CCDC102B: variants seen among roughly 807,000 people sequenced by gnomAD.
CCDC102B encodes coiled-coil domain-containing protein 102B.
A neutral mutation model predicts 57.4 loss-of-function variants in CCDC102B; 75 were observed. That is an observed-to-expected ratio of 1.31 (90% CI 1.08 to 1.58). The LOEUF is 1.58. Ranked by LOEUF, CCDC102B falls within the 40% of genes most tolerant of loss-of-function variation. The pLI is 0.00. For missense variants in CCDC102B, 636 were observed against 582.6 expected (o/e 1.09, Z -0.94); for synonymous variants, 206 against 201.9 (o/e 1.02, Z -0.17).
intron 2 of CCDC102B, among the ~76,000 whole-genome samples, chr18:68,725,780 G>A (rs138363608): frequency 5.3e-5 from 8 of 152,302 alleles, no homozygotes; most frequent in African/African-American, 1.7e-4. Context: ...CTTCAGAGCA[G>A]TAACTGGATT....
At chr18:69,009,694 T>C (rs557529358) in intron 6 of CCDC102B, among the ~76,000 whole-genome samples, 48 of 152,008 alleles carry the variant, frequency 3.2e-4, no homozygotes, top group African/African-American at 1.2e-3. Flanking sequence ...TCATCATTAG[T>C]ATTACTAATG....
chr18:68,982,336 A>G (rs1268336524), intron 6 of CCDC102B, among the ~76,000 whole-genome samples: 1 of 151,886 alleles, frequency 6.6e-6, no homozygotes, highest in African/African-American at 2.4e-5. Context: ...ATTTTATACT[A>G]TTTTTTCATA....
intron 6 of CCDC102B, among the ~76,000 whole-genome samples, chr18:68,933,833 C>T (rs1007961363): frequency 2.0e-5 from 3 of 151,764 alleles, no homozygotes; most frequent in Non-Finnish European, 4.4e-5. Context: ...TGAAACATAA[C>T]TAAAGAACAT....
intron 6 of CCDC102B, among the ~76,000 whole-genome samples, chr18:68,921,624 G>T (rs967681874): frequency 6.6e-6 from 1 of 152,178 alleles, no homozygotes. Flanking sequence ...ACCTGCCATT[G>T]CTGGCTTTGA....
chr18:68,731,378 T>A (rs537998383), intron 2 of CCDC102B, among the ~76,000 whole-genome samples: 1 of 152,294 alleles, frequency 6.6e-6, no homozygotes, highest in African/African-American at 2.4e-5. Flanking sequence ...TTTGATCTGA[T>A]TCCATTAACC....
intron 2 of CCDC102B, among the ~76,000 whole-genome samples, chr18:68,751,369 A>G (rs1004441267): frequency 2.0e-5 from 3 of 152,216 alleles, no homozygotes; most frequent in African/African-American, 7.2e-5. Context: ...GCCTGAATGA[A>G]GCTTATTTAA....
At chr18:68,816,719 G>C (rs1358752788) in intron 1 of CCDC102B, among the ~76,000 whole-genome samples, 2 of 151,990 alleles carry the variant, frequency 1.3e-5, no homozygotes, top group African/African-American at 4.8e-5. Context: ...CCGCCTCGGC[G>C]TCTCAAAGTG....
intron 6 of CCDC102B, among the ~76,000 whole-genome samples, chr18:68,922,603 G>C (rs1267499464): frequency 6.6e-6 from 1 of 152,114 alleles, no homozygotes; most frequent in African/African-American, 2.4e-5. Flanking sequence ...GGCCCAGCAG[G>C]TCCAGCCATG....
intron 3 of CCDC102B, among the ~76,000 whole-genome samples, chr18:68,841,849 C>T (rs1340453085): frequency 6.6e-6 from 1 of 152,170 alleles, no homozygotes; most frequent in African/African-American, 2.4e-5. Context: ...CCTCCCACCT[C>T]AGCCTCCCAA....
At chr18:68,932,148 C>G (rs1568337677) in intron 6 of CCDC102B, among the ~76,000 whole-genome samples, 1 of 151,648 alleles carries the variant, frequency 6.6e-6, no homozygotes, top group East Asian at 2.0e-4. Flanking sequence ...ATTATGAGTC[C>G]AATAATAAGA....
chr18:68,812,368 A>C (rs1021259000), intron 1 of CCDC102B, among the ~76,000 whole-genome samples: 17 of 152,214 alleles, frequency 1.1e-4, no homozygotes, highest in Admixed American at 6.6e-4. Flanking sequence ...TCTACTTCAG[A>C]AGAAATTTTC....
At chr18:68,799,661 T>C (rs1184738267) in intron 1 of CCDC102B, among the ~76,000 whole-genome samples, 1 of 152,196 alleles carries the variant, frequency 6.6e-6, no homozygotes, top group Non-Finnish European at 1.5e-5. Context: ...AAAGAAAAGT[T>C]CAACTTCTTG....
intron 6 of CCDC102B, among the ~76,000 whole-genome samples, chr18:68,930,279 A>G (rs907666385): frequency 1.3e-5 from 2 of 149,420 alleles, no homozygotes; most frequent in African/African-American, 2.4e-5. Flanking sequence ...TATACATTAT[A>G]TGCATGTATA....
intron 6 of CCDC102B, among the ~76,000 whole-genome samples, chr18:68,984,087 A>C (rs2145302534): frequency 6.6e-6 from 1 of 152,028 alleles, no homozygotes; most frequent in Admixed American, 6.6e-5. Context: ...GTACATTTTA[A>C]TGTACATTAT....
chr18:68,756,897 G>C (rs1031073018), intron 2 of CCDC102B, among the ~76,000 whole-genome samples: 3 of 152,008 alleles, frequency 2.0e-5, no homozygotes, highest in Non-Finnish European at 2.9e-5. Context: ...GTGTGTGTGT[G>C]TGTGTGTCTG....
At chr18:69,000,895 GT>G (rs770167259) in intron 6 of CCDC102B, among the ~76,000 whole-genome samples, 27 of 151,928 alleles carry the variant, frequency 1.8e-4, no homozygotes, top group Non-Finnish European at 3.2e-4. Flanking sequence ...TTTTCATACT[GT>G]AGGATCTTAA....
intron 2 of CCDC102B, among the ~76,000 whole-genome samples, chr18:68,763,372 C>A (rs1465436591): frequency 6.6e-6 from 1 of 152,042 alleles, no homozygotes; most frequent in Non-Finnish European, 1.5e-5. Context: ...ATGGTTGCCC[C>A]TTTCTCTCTT....
rs1039521905 is a variant in CCDC102B, at chr18:69,043,050, A to G, written c.1435-10980A>G. Among the ~76,000 whole-genome samples, 40 of 152,114 alleles carry G rather than the reference A, an allele frequency of 2.6e-4. 1 individual carries two copies. Among genetic ancestry groups the G allele is most frequent in the Non-Finnish European group, 8.8e-5 (6 of 68,014 alleles). The stretch of plus-strand genomic sequence containing the variant: ...ATTGATCATTCGTGGGTGTTTCTCC[A>G]AGAGGGGGATGTGTCAGGGTCACAA... On this transcript the variant is annotated intron_variant, in intron 7 of 7. Transcript: ENST00000360242.
Position 69,051,691 on chromosome 18 carries a change from G to T in CCDC102B, c.1435-2339G>T, listed in dbSNP as rs532519131. ...GATCAAATAAATTATCAAAAAAAGG[G>T]TTTGCTATCAGACTTTATAAAAGAA... is the stretch of plus-strand genomic sequence containing the variant. On this transcript the variant is annotated intron_variant, in intron 7 of 7. Coordinates refer to ENST00000360242, the MANE Select transcript of CCDC102B (RefSeq NM_024781.3). 6.6e-5 allele frequency among the ~76,000 whole-genome samples: 10 copies of T among 151,880 alleles called. No individual in the cohort carries two copies. The South Asian group carries it at 1.7e-3, about 25-fold the overall frequency.
Sources: allele counts gnomAD v4.1 joint callset (sites outside exome capture counted in the v4.1 genomes callset), GRCh38; gene constraint gnomAD v4.1.1; transcripts MANE v1.5; gene names NCBI Gene and HGNC (gene_info 2026-07-23, HGNC 2026-07-21).